The following TAFA4 variants were observed in gnomAD, a reference collection of about 807,000 sequenced individuals.
The protein encoded by TAFA4 is TAFA chemokine like family member 4, also known as chemokine-like protein TAFA-4.
A neutral mutation model predicts 21.1 loss-of-function variants in TAFA4; 20 were observed. The ratio of observed to expected loss-of-function variants is 0.95; its 90% CI spans 0.67 to 1.38. The LOEUF (loss-of-function observed/expected upper bound fraction) is 1.38. Ranked by LOEUF, TAFA4 falls within the 40% of genes most tolerant of loss-of-function variation. The probability of loss-of-function intolerance (pLI) is 0.00; values close to 1 mark genes in which losing one functional copy is unlikely to be tolerated. For missense variants in TAFA4, 211 were observed against 180.9 expected (o/e 1.17, Z -0.95); for synonymous variants, 71 against 67.4 (o/e 1.05, Z -0.26).
intron 5 of TAFA4, among the ~76,000 whole-genome samples, chr3:68,734,174 G>A (rs969715947): frequency 2.6e-5 from 4 of 152,114 alleles, no homozygotes; most frequent in Non-Finnish European, 1.5e-5. Flanking sequence ...GGTAAAATCT[G>A]AATTTCATAT....
intron 3 of TAFA4, among the ~76,000 whole-genome samples, chr3:68,766,186 G>T (rs1195218631): frequency 6.6e-6 from 1 of 152,024 alleles, no homozygotes; most frequent in Non-Finnish European, 1.5e-5. Flanking sequence ...CTTACAATAT[G>T]CCAGGTACCT....
intron 3 of TAFA4, among the ~76,000 whole-genome samples, chr3:68,803,906 G>T (rs2106831783): frequency 7.1e-6 from 1 of 141,124 alleles, no homozygotes. Context: ...CCAGGTTCAA[G>T]TGATTCTCTT....
intron 3 of TAFA4, among the ~76,000 whole-genome samples, chr3:68,824,555 A>G (rs898812515): frequency 6.6e-6 from 1 of 152,168 alleles, no homozygotes; most frequent in African/African-American, 2.4e-5. Context: ...CCCCATCTCA[A>G]GATCCTTCAT....
intron 3 of TAFA4, among the ~76,000 whole-genome samples, chr3:68,777,549 C>T (rs572826777): frequency 6.6e-6 from 1 of 151,810 alleles, no homozygotes; most frequent in South Asian, 2.1e-4. Context: ...GATAGTAAAG[C>T]CCAAGAATAA....
chr3:68,765,861 CT>C (rs1702843824), intron 3 of TAFA4, among the ~76,000 whole-genome samples: 2 of 152,062 alleles, frequency 1.3e-5, no homozygotes, highest in Admixed American at 6.6e-5. Flanking sequence ...TATCCCCTCA[CT>C]TTAAAGGACC....
intron 3 of TAFA4, among the ~76,000 whole-genome samples, chr3:68,880,117 C>T (rs1037132888): frequency 1.3e-5 from 2 of 151,192 alleles, no homozygotes; most frequent in Admixed American, 6.6e-5. Context: ...GTTTTGATCT[C>T]GCCTTTAAAA....
chr3:68,887,332 G>A (rs12491472), intron 1 of TAFA4, among the ~76,000 whole-genome samples: 22,154 of 152,096 alleles, frequency 0.15, 2,391 homozygotes, highest in East Asian at 0.43. Flanking sequence ...CCAATGCCAC[G>A]GGCAGCCCTG....
At chr3:68,812,330 A>C (rs911582140) in intron 3 of TAFA4, among the ~76,000 whole-genome samples, 1 of 152,168 alleles carries the variant, frequency 6.6e-6, no homozygotes, top group Non-Finnish European at 1.5e-5. Context: ...AACAATATTA[A>C]CCTTAAATGT....
chr3:68,750,687 A>G (rs965206761), intron 4 of TAFA4, among the ~76,000 whole-genome samples: 1 of 152,256 alleles, frequency 6.6e-6, no homozygotes, highest in Non-Finnish European at 1.5e-5. Flanking sequence ...AGATACTAAT[A>G]GTCATCACTG....
At chr3:68,882,031 T>C (rs1287764996) in intron 2 of TAFA4, among the ~76,000 whole-genome samples, 5 of 152,136 alleles carry the variant, frequency 3.3e-5, no homozygotes, top group Non-Finnish European at 7.3e-5. Context: ...TGTTAAAGGG[T>C]GTATTGCTCA....
At chr3:68,753,337 T>TTTTTG (rs1553715539) in intron 3 of TAFA4, among the ~76,000 whole-genome samples, 10 of 147,012 alleles carry the variant, frequency 6.8e-5, no homozygotes, top group African/African-American at 2.5e-4. Flanking sequence ...TGATAGAGTT[T>TTTTTG]TTTTTTTTTT....
chr3:68,818,983 T>C (rs771874859), intron 3 of TAFA4, among the ~76,000 whole-genome samples: 2 of 152,146 alleles, frequency 1.3e-5, no homozygotes, highest in Non-Finnish European at 2.9e-5. Flanking sequence ...AAAATTGCAA[T>C]ATTTAGGCTG....
At chr3:68,916,939 G>C (rs1038005771) in intron 1 of TAFA4, among the ~76,000 whole-genome samples, 19 of 152,190 alleles carry the variant, frequency 1.2e-4, no homozygotes, top group African/African-American at 4.6e-4. Context: ...CCTGGTGAAA[G>C]AGAGTCTGTA....
At chr3:68,903,125 T>C (rs946592648) in intron 1 of TAFA4, among the ~76,000 whole-genome samples, 10 of 152,166 alleles carry the variant, frequency 6.6e-5, no homozygotes, top group African/African-American at 2.4e-4. Flanking sequence ...ATGCTTTTAC[T>C]CAACCAATGT....
intron 3 of TAFA4, among the ~76,000 whole-genome samples, chr3:68,764,252 C>T: frequency 6.6e-6 from 1 of 152,012 alleles, no homozygotes; most frequent in East Asian, 1.9e-4. Flanking sequence ...GAGAAAGAGG[C>T]TATGTGAAAA....
At chr3:68,770,224 A>G (rs763471591) in intron 3 of TAFA4, among the ~76,000 whole-genome samples, 4 of 152,244 alleles carry the variant, frequency 2.6e-5, no homozygotes, top group Non-Finnish European at 5.9e-5. Context: ...TGTCAAAAAT[A>G]TCTCCCTCCT....
At chr3:68,912,949 A>T (rs541860070) in intron 1 of TAFA4, among the ~76,000 whole-genome samples, 5 of 152,336 alleles carry the variant, frequency 3.3e-5, no homozygotes, top group Admixed American at 1.3e-4. Flanking sequence ...GGCTGCTGGA[A>T]GAAGTGTTAC....
chr3:68,876,663 C>A (rs1051253535), intron 3 of TAFA4, among the ~76,000 whole-genome samples: 2 of 152,048 alleles, frequency 1.3e-5, no homozygotes, highest in African/African-American at 2.4e-5. Flanking sequence ...AAAAAATTTA[C>A]CCTAAGTTAA....
At chr3:68,890,931 C>T (rs1235924879) in intron 1 of TAFA4, among the ~76,000 whole-genome samples, 1 of 152,146 alleles carries the variant, frequency 6.6e-6, no homozygotes, top group Non-Finnish European at 1.5e-5. Context: ...ATAAATATTG[C>T]CTCATCTCTG....
Sources: gnomAD v4.1 joint callset for allele counts (sites outside exome capture counted in the v4.1 genomes callset) on GRCh38, gnomAD v4.1.1 for gene constraint, MANE v1.5 for transcripts, NCBI Gene and HGNC (gene_info 2026-07-23, HGNC 2026-07-21) for gene names.